ZNF440: variants seen among roughly 807,000 people sequenced by gnomAD.
ZNF440 encodes zinc finger protein 440.
ZNF440 carries 47 observed loss-of-function variants against 49.7 expected under a neutral mutation model. The observed-to-expected ratio is 0.95, with a 90% confidence interval of 0.75 to 1.21. ZNF440 has a LOEUF of 1.21. ZNF440 is among the 50% of genes most tolerant of loss of function. ZNF440 has a pLI of 0.00. For synonymous variants in ZNF440, 255 were observed against 237.7 expected, an observed-to-expected ratio of 1.07 and a Z score of -0.67; for missense variants, 703 against 715.0, an observed-to-expected ratio of 0.98 and a Z score of 0.19.
intron 1 of ZNF440, 94 bp downstream of exon 1, chr19:11,814,544 C>T (rs1172375978): frequency 1.5e-5 from 20 of 1,325,792 alleles, no homozygotes; most frequent in Non-Finnish European, 1.9e-5. Flanking sequence ...CACGCGGCGA[C>T]TCCGGGGTCG....
In ZNF440 at chr19:11,832,156, T is replaced by G; in HGVS notation, c.980T>G (p.Phe327Cys). 4 of 1,614,212 alleles carry G rather than the reference T, an allele frequency of 2.5e-6. No individual in the cohort carries two copies. The highest frequency in any genetic ancestry group is 3.4e-6 in the Non-Finnish European group (4 of 1,180,032). Residue 327 changes from phenylalanine (F) to cysteine (C), a missense_variant, in exon 4 of 4, where the codon TTT becomes TGT. Phe to Cys is a radical substitution (Grantham distance 205). Transcript: ENST00000304060. ...AAAGCATTATCCTCTCTTACAAGTT[T>G]TCAAACACACGTAAGATTGCACTCT... is the stretch of plus-strand genomic sequence containing the variant. ...CGKALSSLTS[F>C]QTHVRLHSGE... is the part of the protein sequence containing the mutation.
At chr19:11,823,341 T>C (rs566713165) in intron 1 of ZNF440, among the ~76,000 whole-genome samples, 2 of 152,156 alleles carry the variant, frequency 1.3e-5, no homozygotes, top group Non-Finnish European at 2.9e-5. Flanking sequence ...GTGATGCAAA[T>C]ATTCATGCCG....
At chr19:11,829,190 G>T (rs576645147) in intron 1 of ZNF440, among the ~76,000 whole-genome samples, 2 of 151,796 alleles carry the variant, frequency 1.3e-5, no homozygotes, top group Non-Finnish European at 2.9e-5. Flanking sequence ...GTGTACATAC[G>T]GTGCCAGGTT....
chr19:11,833,177 G>A lies in ZNF440; in HGVS notation c.*213G>A, dbSNP rs1975975497. Reference sequence around the variant, plus strand: ...CTATGAGTGTAAGCAATTTGGGAAAGCCTTCAGATCTGTCAAAAATCTTCG... The same window carrying A: ...CTATGAGTGTAAGCAATTTGGGAAAACCTTCAGATCTGTCAAAAATCTTCG... On this transcript the variant is annotated 3_prime_UTR_variant, in exon 4 of 4. Transcript: ENST00000304060. 7.9e-7 allele frequency: 1 copy of A among 1,259,822 alleles called. No homozygotes were observed. The highest frequency in any genetic ancestry group is 1.5e-5 in the African/African-American group (1 of 66,566). 78.0% of individuals were successfully genotyped at this position (1,259,822 alleles called of 1,614,324 possible).
intron 1 of ZNF440, among the ~76,000 whole-genome samples, chr19:11,819,008 A>G (rs1430862063): frequency 6.6e-6 from 1 of 152,104 alleles, no homozygotes; most frequent in Non-Finnish European, 1.5e-5. Context: ...TCTACTACAG[A>G]GATCAGTAGT....
chr19:11,825,158 T>TA (rs369404267), intron 1 of ZNF440, among the ~76,000 whole-genome samples: 9 of 149,936 alleles, frequency 6.0e-5, no homozygotes, highest in African/African-American at 2.2e-4. Flanking sequence ...TTTCCAAAAA[T>TA]AAAAAAAATA....
chr19:11,817,471 C>T (rs1975746150), intron 1 of ZNF440: 4 of 152,276 alleles, frequency 2.6e-5, no homozygotes, highest in Middle Eastern at 3.4e-3. Context: ...GTGGCCTGCA[C>T]CTGTAGTCCC....
chr19:11,818,628 C>T (rs772212099), intron 1 of ZNF440, among the ~76,000 whole-genome samples: 1 of 152,110 alleles, frequency 6.6e-6, no homozygotes, highest in Non-Finnish European at 1.5e-5. Context: ...TGGCTTACTG[C>T]AACCTTGACC....
intron 1 of ZNF440, among the ~76,000 whole-genome samples, chr19:11,827,326 G>A (rs375534): frequency 0.38 from 57,469 of 151,808 alleles, 11,277 homozygotes; most frequent in African/African-American, 0.46. Context: ...GCCTCCCAAA[G>A]TGCTGGGATT....
At chr19:11,818,387 G>A (rs1975758581) in intron 1 of ZNF440, among the ~76,000 whole-genome samples, 1 of 152,138 alleles carries the variant, frequency 6.6e-6, no homozygotes, top group African/African-American at 2.4e-5. Context: ...CTGGCAAGGA[G>A]TGTTTCTTGT....
chr19:11,833,165 C>T lies in ZNF440; in HGVS notation c.*201C>T, dbSNP rs1046562657. On this transcript the variant is annotated 3_prime_UTR_variant, in exon 4 of 4. Coordinates refer to ENST00000304060, the MANE Select transcript of ZNF440 (RefSeq NM_152357.3). ...TGGAGAGAACCCCTATGAGTGTAAGCAATTTGGGAAAGCCTTCAGATCTGT... is the reference window on the plus strand; with the variant it reads ...TGGAGAGAACCCCTATGAGTGTAAGTAATTTGGGAAAGCCTTCAGATCTGT... 1.5e-6 allele frequency: 2 copies of T among 1,299,338 alleles called. No individual in the cohort carries two copies. The highest frequency in any genetic ancestry group is 2.2e-6 in the Non-Finnish European group (2 of 919,436). 80.5% of individuals were successfully genotyped at this position (1,299,338 alleles called of 1,614,324 possible). A position where few individuals can be genotyped will look rare whatever the true frequency, so the allele number is the denominator to read the frequency against.
chr19:11,831,490 C>G lies in ZNF440; in HGVS notation c.314C>G (p.Ser105Ter), dbSNP rs1975937220. The change falls in exon 4 of 4, where the codon TCA (serine) becomes TGA (stop). Residue 105 changes from serine (S) to a stop codon, truncating the protein, a stop_gained. Transcript: ENST00000304060. LOFTEE classifies it high-confidence loss of function. ...QEKKASPEVK[S>*]CESFVCGEVG... is the part of the protein sequence containing the mutation. ...AAGAAAGCTTCTCCTGAAGTAAAAT[C>G]ATGTGAAAGCTTTGTGTGTGGAGAA... is the stretch of plus-strand genomic sequence containing the variant. 6 of 1,613,950 alleles carry G rather than the reference C, an allele frequency of 3.7e-6. No homozygotes were observed. Among genetic ancestry groups the G allele is most frequent in the Non-Finnish European group, 4.2e-6 (5 of 1,179,890 alleles).
At chr19:11,830,101 A>G (rs1420354454) in intron 1 of ZNF440, 182 bp from the exon 2 acceptor site, 2 of 1,330,646 alleles carry the variant, frequency 1.5e-6, no homozygotes, top group Non-Finnish European at 2.0e-6. Flanking sequence ...CAAGAGTGAA[A>G]AAAAAAACAA....
Position 11,834,966 on chromosome 19 carries a change from A to C in ZNF440, c.*2002A>C, listed in dbSNP as rs1976000780. The C allele has an allele frequency of 6.6e-6, 1 of 152,230 alleles. No individual in the cohort carries two copies. Among genetic ancestry groups the C allele is most frequent in the Non-Finnish European group, 1.5e-5 (1 of 68,064 alleles). The allele number at this position is 152,230 out of a possible 1,614,324, so 9.4% of individuals were successfully genotyped here. A position where few individuals can be genotyped will look rare whatever the true frequency, so the allele number is the denominator to read the frequency against. On this transcript the variant is annotated 3_prime_UTR_variant, in exon 4 of 4. Coordinates refer to ENST00000304060, the MANE Select transcript of ZNF440 (RefSeq NM_152357.3). ...CTATTCAGGAGGCTGACATAGGAGAATTGCTTGAATATAGGAAGCAGAGGT... is the reference window on the plus strand; with the variant it reads ...CTATTCAGGAGGCTGACATAGGAGACTTGCTTGAATATAGGAAGCAGAGGT...
At chr19:11,827,383 T>G (rs902192539) in intron 1 of ZNF440, among the ~76,000 whole-genome samples, 1 of 152,188 alleles carries the variant, frequency 6.6e-6, no homozygotes, top group Non-Finnish European at 1.5e-5. Context: ...TTTTGATTGG[T>G]TGGTTTTTTT....
At position 11,830,342 on chromosome 19, in the gene ZNF440, G is replaced by A; in HGVS notation, c.63G>A (p.Leu21=). The change falls in exon 2 of 4, where the codon CTG becomes CTA. Residue 21 remains leucine, a synonymous_variant. Coordinates refer to ENST00000304060, the MANE Select transcript of ZNF440 (RefSeq NM_152357.3). ...VNFTQEEWAL[L]DISQRKLYRE... is the part of the protein sequence containing the mutation. ...TCACCCAGGAGGAGTGGGCTTTGCTGGATATTTCCCAGAGGAAACTCTACA... is the reference window on the plus strand; with the variant it reads ...TCACCCAGGAGGAGTGGGCTTTGCTAGATATTTCCCAGAGGAAACTCTACA... 6.2e-7 allele frequency: 1 copy of A among 1,614,104 alleles called. No individual in the cohort carries two copies. The highest frequency in any genetic ancestry group is 1.1e-5 in the South Asian group (1 of 91,074).
chr19:11,820,924 A>AT (rs1317131991), intron 1 of ZNF440, among the ~76,000 whole-genome samples: 3 of 152,180 alleles, frequency 2.0e-5, no homozygotes, highest in Non-Finnish European at 4.4e-5. Context: ...GCAAAGCAAA[A>AT]TATACATGGG....
Position 11,832,462 on chromosome 19 carries a change from G to A in ZNF440, c.1286G>A (p.Cys429Tyr), listed in dbSNP as rs748357158. Reference protein sequence around the residue: ...TGEKPYECKECGKAFRYVNNL... With the variant: ...TGEKPYECKEYGKAFRYVNNL... ...GAGAAACCGTATGAATGTAAGGAATGTGGGAAAGCCTTCAGATATGTGAAT... is the reference window on the plus strand; with the variant it reads ...GAGAAACCGTATGAATGTAAGGAATATGGGAAAGCCTTCAGATATGTGAAT... The change falls in exon 4 of 4, where the codon TGT (cysteine) becomes TAT (tyrosine). Residue 429 changes from cysteine to tyrosine, a missense_variant. Physicochemically the swap from Cys to Tyr is radical, Grantham distance 194 (BLOSUM62 -2). Transcript: ENST00000304060. The A allele has an allele frequency of 5.6e-6, 9 of 1,614,012 alleles. No homozygotes were observed. The highest frequency in any genetic ancestry group is 7.6e-6 in the Non-Finnish European group (9 of 1,179,998).
At chr19:11,828,741 A>G (rs536213270) in intron 1 of ZNF440, among the ~76,000 whole-genome samples, 10 of 150,550 alleles carry the variant, frequency 6.6e-5, no homozygotes, top group Non-Finnish European at 1.5e-4. Context: ...CTGGAGTGCA[A>G]TGGTGCAATC....
Sources: gnomAD v4.1 joint callset for allele counts (sites outside exome capture counted in the v4.1 genomes callset) on GRCh38, gnomAD v4.1.1 for gene constraint, MANE v1.5 for transcripts, NCBI Gene and HGNC (gene_info 2026-07-23, HGNC 2026-07-21) for gene names.